Variants in MCU observed in about 807,000 individuals in gnomAD.
MCU encodes calcium uniporter protein, mitochondrial.
MCU carries 12 observed loss-of-function variants against 45.2 expected under a neutral mutation model. That is an observed-to-expected ratio of 0.27 (90% CI 0.17 to 0.43). MCU has a LOEUF of 0.43. MCU is among the 20% of genes least tolerant of loss of function. MCU has a pLI of 1.00. For synonymous variants in MCU, 160 were observed against 165.1 expected, an observed-to-expected ratio of 0.97 and a Z score of 0.24; for missense variants, 324 against 436.7, an observed-to-expected ratio of 0.74 and a Z score of 2.30.
intron 1 of MCU, among the ~76,000 whole-genome samples, chr10:72,798,060 A>T (rs1013685165): frequency 1.3e-5 from 2 of 152,114 alleles, no homozygotes; most frequent in South Asian, 2.1e-4. Context: ...AGGTTCAAAA[A>T]TTTTTTAATT....
chr10:72,802,345 G>A (rs1434832027), intron 1 of MCU, among the ~76,000 whole-genome samples: 2 of 149,326 alleles, frequency 1.3e-5, no homozygotes, highest in South Asian at 2.1e-4. Flanking sequence ...TATTAGCCTC[G>A]TTTTCATTTA....
intron 2 of MCU, among the ~76,000 whole-genome samples, chr10:72,847,945 G>A (rs529343270): frequency 4.7e-4 from 71 of 152,168 alleles, no homozygotes; most frequent in Non-Finnish European, 8.1e-4. Context: ...TATGATGACC[G>A]GCTTCCCCTA....
intron 1 of MCU, among the ~76,000 whole-genome samples, chr10:72,764,355 T>C (rs1843697098): frequency 1.3e-5 from 2 of 152,206 alleles, no homozygotes; most frequent in African/African-American, 4.8e-5. Flanking sequence ...TCCAGGGACA[T>C]AGTTACTGGT....
At chr10:72,782,847 T>C (rs1293532948) in intron 1 of MCU, among the ~76,000 whole-genome samples, 1 of 152,218 alleles carries the variant, frequency 6.6e-6, no homozygotes, top group Non-Finnish European at 1.5e-5. Context: ...GAAGTTATTT[T>C]GATTCTAGTG....
chr10:72,820,982 AGTAT>A (rs1844703893), intron 1 of MCU, among the ~76,000 whole-genome samples: 1 of 151,798 alleles, frequency 6.6e-6, no homozygotes, highest in Non-Finnish European at 1.5e-5. Flanking sequence ...TTAACAGCTC[AGTAT>A]TGAGACCAGA....
intron 1 of MCU, among the ~76,000 whole-genome samples, chr10:72,796,661 G>A (rs982793492): frequency 2.0e-5 from 3 of 149,806 alleles, no homozygotes; most frequent in Admixed American, 6.6e-5. Context: ...CTACAGGTGC[G>A]TACCACCACG....
At chr10:72,868,598 TG>T (rs1845493892) in intron 4 of MCU, 104 bp from the exon 5 acceptor site, 8 of 986,426 alleles carry the variant, frequency 8.1e-6, no homozygotes, top group Non-Finnish European at 1.2e-5. Context: ...AGTTTAACAC[TG>T]AAGGTGAGAT....
intron 2 of MCU, among the ~76,000 whole-genome samples, chr10:72,856,665 T>G (rs1395318843): frequency 6.6e-6 from 1 of 150,694 alleles, no homozygotes; most frequent in Non-Finnish European, 1.5e-5. Flanking sequence ...CCAGGCATAG[T>G]GGCTCATGGC....
At chr10:72,708,517 A>G (rs903298345) in intron 1 of MCU, among the ~76,000 whole-genome samples, 4 of 152,230 alleles carry the variant, frequency 2.6e-5, no homozygotes, top group African/African-American at 9.6e-5. Context: ...GTCAATAGGC[A>G]TAGTGGCCCT....
At chr10:72,872,760 C>T (rs976213184) in intron 6 of MCU, among the ~76,000 whole-genome samples, 1 of 152,112 alleles carries the variant, frequency 6.6e-6, no homozygotes, top group East Asian at 1.9e-4. Context: ...TACTGATTTC[C>T]TTTCCTTTGG....
intron 1 of MCU, among the ~76,000 whole-genome samples, chr10:72,757,953 A>G (rs1843602381): frequency 6.6e-6 from 1 of 152,250 alleles, no homozygotes; most frequent in African/African-American, 2.4e-5. Context: ...AGCATCTTCA[A>G]CAAAGAGCAA....
intron 1 of MCU, among the ~76,000 whole-genome samples, chr10:72,757,583 T>C (rs1480269440): frequency 7.7e-6 from 1 of 129,210 alleles, no homozygotes; most frequent in African/African-American, 2.4e-5. Context: ...TAACATCACC[T>C]AGTTCATAAT....
At chr10:72,777,271 C>T (rs143011833) in intron 1 of MCU, among the ~76,000 whole-genome samples, 1 of 152,266 alleles carries the variant, frequency 6.6e-6, no homozygotes, top group Non-Finnish European at 1.5e-5. Flanking sequence ...AAGAGCAAAG[C>T]TGGAGACACT....
At chr10:72,826,660 C>T (rs775651897) in intron 1 of MCU, among the ~76,000 whole-genome samples, 1 of 152,206 alleles carries the variant, frequency 6.6e-6, no homozygotes, top group Non-Finnish European at 1.5e-5. Flanking sequence ...ATTCTTTAAG[C>T]CAACTACATT....
At chr10:72,729,486 A>G (rs775973200) in intron 1 of MCU, among the ~76,000 whole-genome samples, 7 of 152,154 alleles carry the variant, frequency 4.6e-5, no homozygotes, top group Non-Finnish European at 8.8e-5. Flanking sequence ...GAAAAAAAGA[A>G]AACTGCTTTT....
At chr10:72,806,638 G>A (rs1451330150) in intron 1 of MCU, among the ~76,000 whole-genome samples, 2 of 152,178 alleles carry the variant, frequency 1.3e-5, no homozygotes, top group African/African-American at 4.8e-5. Flanking sequence ...GGGGAAGAGG[G>A]TGGGAACAAT....
rs988592872 is a variant in MCU, at chr10:72,884,172, G to C, written c.862-94G>C. On this transcript the variant is annotated intron_variant, in intron 6 of 7. Transcript: ENST00000373053. ...TAACACAGCACATGTCAGCACACACGCATACATATGTATTGAATCTAAGCA... is the reference window on the plus strand; with the variant it reads ...TAACACAGCACATGTCAGCACACACCCATACATATGTATTGAATCTAAGCA... 3 of 752,498 alleles carry C rather than the reference G, an allele frequency of 4.0e-6. No individual in the cohort carries two copies. The African/African-American group carries it at 5.2e-5, about 13-fold the overall frequency. The allele number at this position is 752,498 out of a possible 1,614,324, so 46.6% of individuals were successfully genotyped here.
intron 2 of MCU, among the ~76,000 whole-genome samples, chr10:72,834,822 A>G (rs1443350749): frequency 2.6e-5 from 4 of 151,940 alleles, no homozygotes; most frequent in Non-Finnish European, 4.4e-5. Flanking sequence ...ACCATGCCCA[A>G]CTAATTTTTG....
chr10:72,857,060 C>A (rs1845303771), intron 2 of MCU, among the ~76,000 whole-genome samples: 1 of 152,028 alleles, frequency 6.6e-6, no homozygotes, highest in African/African-American at 2.4e-5. Context: ...AATCCTTCTG[C>A]CTCAGCCTCC....
Sources: allele counts gnomAD v4.1 joint callset (sites outside exome capture counted in the v4.1 genomes callset), GRCh38; gene constraint gnomAD v4.1.1; transcripts MANE v1.5; gene names NCBI Gene and HGNC (gene_info 2026-07-23, HGNC 2026-07-21).